The following ZNF665 variants were observed in gnomAD, a reference collection of about 807,000 sequenced individuals.
ZNF665 encodes the protein zinc finger protein 665.
In ZNF665, 6 loss-of-function variants were observed where a neutral mutation model predicts 7.9. That is an observed-to-expected ratio of 0.76 (90% CI 0.42 to 1.50). The LOEUF (loss-of-function observed/expected upper bound fraction) is 1.50. ZNF665 is among the 40% of genes most tolerant of loss of function. ZNF665 has a pLI of 0.01. For synonymous variants in ZNF665, 242 were observed against 274.5 expected, an observed-to-expected ratio of 0.88 and a Z score of 1.17; for missense variants, 819 against 806.7, an observed-to-expected ratio of 1.02 and a Z score of -0.18.
intron 1 of ZNF665, among the ~76,000 whole-genome samples, chr19:53,185,226 GTGT>G (rs1480781953): frequency 6.6e-6 from 1 of 151,866 alleles, no homozygotes; most frequent in Admixed American, 6.6e-5. Context: ...TAAGTAGCGG[GTGT>G]TGTTCCTTGC....
intron 2 of ZNF665, among the ~76,000 whole-genome samples, chr19:53,176,017 C>T (rs186108093): frequency 3.9e-5 from 6 of 151,978 alleles, no homozygotes; most frequent in African/African-American, 7.3e-5. Context: ...AAAAATTAGC[C>T]GGGCATGGTG....
intron 1 of ZNF665, among the ~76,000 whole-genome samples, chr19:53,192,097 A>C (rs1346091958): frequency 1.3e-5 from 2 of 149,860 alleles, no homozygotes; most frequent in Non-Finnish European, 3.0e-5. Context: ...CCTTCCCTCT[A>C]TCCTTCTCTT....
intron 1 of ZNF665, among the ~76,000 whole-genome samples, chr19:53,188,957 C>G (rs921390339): frequency 3.3e-5 from 5 of 152,004 alleles, no homozygotes; most frequent in African/African-American, 1.2e-4. Context: ...CTCAGCCTCC[C>G]AAAGTGCTGG....
intron 3 of ZNF665, among the ~76,000 whole-genome samples, chr19:53,169,232 C>T (rs2090639522): frequency 6.6e-6 from 1 of 151,850 alleles, no homozygotes; most frequent in South Asian, 2.1e-4. Flanking sequence ...ACAAAAAGCC[C>T]AATTTTAAAC....
intron 1 of ZNF665, among the ~76,000 whole-genome samples, chr19:53,188,846 C>T (rs2090791164): frequency 6.6e-6 from 1 of 151,870 alleles, no homozygotes; most frequent in East Asian, 1.9e-4. Context: ...TAAAAGTGCA[C>T]ATCACCACGG....
chr19:53,166,174 C>T lies in ZNF665; in HGVS notation c.316G>A (p.Glu106Lys), dbSNP rs370150449. The change falls in exon 4 of 4, where the codon GAA becomes AAA. Residue 106 changes from glutamate to lysine, a missense_variant. Coordinates refer to ENST00000396424, the MANE Select transcript of ZNF665 (RefSeq NM_024733.5). ...ATAAGTACTGTTTTATAATTTCCTT[C>T]ATCATCTTTCCACTGACACTCAAAG... ...YDFECQWKDD[E>K]GNYKTVLMLQ... 7.4e-6 allele frequency: 12 copies of T among 1,613,814 alleles called. No homozygotes were observed. Among genetic ancestry groups the T allele is most frequent in the Non-Finnish European group, 9.3e-6 (11 of 1,179,898 alleles).
chr19:53,171,480 C>G (rs2090656165), intron 3 of ZNF665, among the ~76,000 whole-genome samples: 1 of 107,052 alleles, frequency 9.3e-6, no homozygotes. Flanking sequence ...ATTATTATAT[C>G]TTTACATTTG....
intron 2 of ZNF665, among the ~76,000 whole-genome samples, chr19:53,176,389 G>A (rs530272477): frequency 3.9e-5 from 6 of 152,246 alleles, no homozygotes; most frequent in African/African-American, 1.2e-4. Flanking sequence ...CTTGAGTGGT[G>A]CACCCACAGA....
intron 1 of ZNF665, among the ~76,000 whole-genome samples, chr19:53,183,952 C>T (rs1480625528): frequency 6.6e-6 from 1 of 152,124 alleles, no homozygotes; most frequent in African/African-American, 2.4e-5. Context: ...TCTCCCACAC[C>T]TCCAAAGAAT....
chr19:53,175,787 T>C (rs1048043303), intron 2 of ZNF665, among the ~76,000 whole-genome samples: 1 of 152,184 alleles, frequency 6.6e-6, no homozygotes, highest in African/African-American at 2.4e-5. Context: ...TCTTTTTGTA[T>C]GTCAGTGAGG....
chr19:53,182,987 CA>C, intron 1 of ZNF665, 44 bp from the exon 2 acceptor site: 2 of 1,560,116 alleles, frequency 1.3e-6, no homozygotes, highest in Non-Finnish European at 1.8e-6. Context: ...TCCTGAATGT[CA>C]AAAATACGCT....
At position 53,165,895 on chromosome 19, in the gene ZNF665, T is replaced by C; in HGVS notation, c.595A>G (p.Ile199Val). The C allele has an allele frequency of 6.2e-7, 1 of 1,614,202 alleles. No individual in the cohort carries two copies. Among genetic ancestry groups the C allele is most frequent in the Non-Finnish European group, 8.5e-7 (1 of 1,180,036 alleles). Reference protein sequence around the residue: ...QNSRLTSHKRIHTGEKPYQCN... With the variant: ...QNSRLTSHKRVHTGEKPYQCN... The stretch of plus-strand genomic sequence containing the variant: ...TGGTAAGGCTTCTCTCCAGTATGAA[T>C]TCTCTTATGACTTGTTAGCCGTGAG... Residue 199 changes from isoleucine to valine, a missense_variant, in exon 4 of 4, where the codon ATT becomes GTT. Coordinates refer to ENST00000396424, the MANE Select transcript of ZNF665 (RefSeq NM_024733.5).
rs755086697 is a variant in ZNF665 at position 53,182,876 on chromosome 19, C to A, written c.15+8G>T. 17 of 1,612,822 alleles carry A rather than the reference C, an allele frequency of 1.1e-5. No homozygotes were observed. The African/African-American group carries it at 2.3e-4, about 22-fold the overall frequency. ...AGACAGAACAATCCACCGAGAATAT[C>A]ATCTCACCTGAGGAAGAGCCATCCC... is the stretch of plus-strand genomic sequence containing the variant. On this transcript the variant is annotated splice_region_variant and intron_variant, in intron 2 of 3. Coordinates refer to ENST00000396424, the MANE Select transcript of ZNF665 (RefSeq NM_024733.5).
intron 2 of ZNF665, chr19:53,179,505 T>G (rs1412218173): frequency 6.6e-6 from 1 of 150,840 alleles, no homozygotes; most frequent in Non-Finnish European, 1.5e-5. Flanking sequence ...TGGAGTGCAG[T>G]GGGTTCAGGG....
Position 53,175,494 on chromosome 19 carries a change from A to G in ZNF665, c.93T>C (p.Thr31=). 1.2e-6 allele frequency: 2 copies of G among 1,613,070 alleles called. No individual in the cohort carries two copies. Among genetic ancestry groups the G allele is most frequent in the Non-Finnish European group, 1.7e-6 (2 of 1,179,646 alleles). ...TCTCCAACATGACGTCCCTGTACAAAGTCTTCTGAGCAGGGTCCAGGCATG... is the reference window on the plus strand; with the variant it reads ...TCTCCAACATGACGTCCCTGTACAAGGTCTTCTGAGCAGGGTCCAGGCATG... ...EWTCLDPAQK[T]LYRDVMLENY... is the part of the protein sequence containing the mutation. The change falls in exon 3 of 4, where the codon ACT becomes ACC. Residue 31 remains threonine (T), a synonymous_variant. Transcript: ENST00000396424.
At chr19:53,167,636 C>T (rs889295636) in intron 3 of ZNF665, among the ~76,000 whole-genome samples, 13 of 150,202 alleles carry the variant, frequency 8.7e-5, no homozygotes, top group East Asian at 8.3e-4. Context: ...TTAGTAGAGA[C>T]GGGGTTTCAC....
chr19:53,183,358 G>A lies in ZNF665; in HGVS notation c.-45-415C>T, dbSNP rs552418822. On this transcript the variant is annotated intron_variant, in intron 1 of 3. Coordinates refer to ENST00000396424, the MANE Select transcript of ZNF665 (RefSeq NM_024733.5). Reference sequence around the variant, plus strand: ...ATCAGCAGTGCCCTGGTGCTCAATAGTAGATACAGAATAACAGAACAGAAC... The same window carrying A: ...ATCAGCAGTGCCCTGGTGCTCAATAATAGATACAGAATAACAGAACAGAAC... Among the ~76,000 whole-genome samples, 114 of 152,304 alleles carry A rather than the reference G, an allele frequency of 7.5e-4. 1 individual carries two copies. The highest frequency in any genetic ancestry group is 2.6e-3 in the African/African-American group (109 of 41,564).
At chr19:53,179,878 G>C (rs532259802) in intron 2 of ZNF665, 2 of 152,222 alleles carry the variant, frequency 1.3e-5, no homozygotes, top group Non-Finnish European at 2.9e-5. Context: ...GTTGCTTGCT[G>C]TTTGTTGGTG....
chr19:53,170,585 G>A lies in ZNF665; in HGVS notation c.143-4238C>T, dbSNP rs146582298. ...TTATTTCATTTAGCAAAATATCCTC[G>A]GGGTCCATCCATGTTCTGGCAGACA... is the stretch of plus-strand genomic sequence containing the variant. On this transcript the variant is annotated intron_variant, in intron 3 of 3. Coordinates refer to ENST00000396424, the MANE Select transcript of ZNF665 (RefSeq NM_024733.5). Among the ~76,000 whole-genome samples the A allele has an allele frequency of 2.6e-5, 4 of 152,220 alleles. No individual in the cohort carries two copies. The East Asian group carries it at 5.8e-4, about 22-fold the overall frequency.
Sources: allele counts gnomAD v4.1 joint callset (sites outside exome capture counted in the v4.1 genomes callset), GRCh38; gene constraint gnomAD v4.1.1; transcripts MANE v1.5; gene names NCBI Gene and HGNC (gene_info 2026-07-23, HGNC 2026-07-21).